Variants in AUTS2 observed in about 807,000 individuals in gnomAD.
AUTS2 encodes activator of transcription and developmental regulator AUTS2.
In AUTS2, 17 loss-of-function variants were observed where a neutral mutation model predicts 112.4. The ratio of observed to expected loss-of-function variants is 0.15; its 90% CI spans 0.10 to 0.23. The LOEUF (loss-of-function observed/expected upper bound fraction) is 0.23. Among genes scored for constraint, AUTS2 ranks in the 10% least tolerant of loss-of-function variants. The pLI is 1.00. For missense variants in AUTS2, 1,510 were observed against 1,701.6 expected, an observed-to-expected ratio of 0.89 and a Z score of 1.98; for synonymous variants, 751 against 702.7, an observed-to-expected ratio of 1.07 and a Z score of -1.09.
intron 1 of AUTS2, among the ~76,000 whole-genome samples, chr7:69,846,612 C>T (rs1052524769): frequency 7.2e-5 from 11 of 152,202 alleles, no homozygotes; most frequent in African/African-American, 2.2e-4. Context: ...CTCCCTCTGT[C>T]GCCCAGGCTG....
intron 4 of AUTS2, among the ~76,000 whole-genome samples, chr7:70,357,713 C>T (rs980071941): frequency 2.0e-5 from 3 of 152,148 alleles, no homozygotes; most frequent in Middle Eastern, 3.2e-3. Context: ...GTAAGCTTGA[C>T]GTAGGTAGCT....
intron 2 of AUTS2, among the ~76,000 whole-genome samples, chr7:69,925,759 G>T (rs1010896460): frequency 2.0e-5 from 3 of 152,132 alleles, no homozygotes; most frequent in Non-Finnish European, 4.4e-5. Flanking sequence ...CTCTCAAGCA[G>T]TTTTCCCTCC....
chr7:70,316,507 G>C (rs570574880), intron 4 of AUTS2, among the ~76,000 whole-genome samples: 1 of 149,058 alleles, frequency 6.7e-6, no homozygotes, highest in Non-Finnish European at 1.5e-5. Flanking sequence ...AGATTCAAGC[G>C]ACTCTCCTGC....
intron 4 of AUTS2, among the ~76,000 whole-genome samples, chr7:70,260,007 C>T (rs1320350657): frequency 1.3e-5 from 2 of 152,118 alleles, no homozygotes; most frequent in African/African-American, 4.8e-5. Flanking sequence ...AAAATATTTT[C>T]TAATAAAGCT....
intron 2 of AUTS2, among the ~76,000 whole-genome samples, chr7:70,107,146 C>T (rs992223090): frequency 9.2e-5 from 14 of 151,896 alleles, no homozygotes; most frequent in African/African-American, 2.7e-4. Context: ...CTTTATAATC[C>T]GATACCTCAC....
At chr7:70,508,843 G>T (rs1355565903) in intron 5 of AUTS2, among the ~76,000 whole-genome samples, 1 of 152,236 alleles carries the variant, frequency 6.6e-6, no homozygotes, top group African/African-American at 2.4e-5. Flanking sequence ...AGGATAACAT[G>T]CTAATGTTTG....
intron 1 of AUTS2, among the ~76,000 whole-genome samples, chr7:69,842,793 G>A (rs779331703): frequency 6.6e-5 from 10 of 152,128 alleles, no homozygotes; most frequent in African/African-American, 9.7e-5. Context: ...ACTTGATTCA[G>A]GTGCTTTGAC....
chr7:70,671,546 C>G (rs2129544073), intron 5 of AUTS2, among the ~76,000 whole-genome samples: 1 of 152,318 alleles, frequency 6.6e-6, no homozygotes, highest in East Asian at 1.9e-4. Context: ...TAAAACTAGC[C>G]TCTTTCCCTA....
intron 6 of AUTS2, among the ~76,000 whole-genome samples, chr7:70,750,786 C>T (rs1007332717): frequency 7.2e-5 from 11 of 152,318 alleles, no homozygotes; most frequent in African/African-American, 2.4e-4. Flanking sequence ...CCAATGTGTG[C>T]CCCAAATCAG....
At chr7:70,563,977 T>G (rs1435292701) in intron 5 of AUTS2, among the ~76,000 whole-genome samples, 3 of 152,150 alleles carry the variant, frequency 2.0e-5, no homozygotes, top group Non-Finnish European at 4.4e-5. Flanking sequence ...CTGGAAGTAT[T>G]TTGTGGTTAG....
chr7:70,663,894 T>C (rs1213874467), intron 5 of AUTS2, among the ~76,000 whole-genome samples: 4 of 152,200 alleles, frequency 2.6e-5, no homozygotes, highest in Non-Finnish European at 5.9e-5. Context: ...CATCTCAGAA[T>C]GAGTGTATTT....
chr7:70,789,617 C>T, intron 18 of AUTS2, 131 bp from the exon 19 acceptor site: 1 of 1,098,160 alleles, frequency 9.1e-7, no homozygotes, highest in Non-Finnish European at 1.3e-6. Flanking sequence ...GGCACGGCTG[C>T]TGCCTTGGCG....
intron 4 of AUTS2, among the ~76,000 whole-genome samples, chr7:70,354,709 A>G (rs991041456): frequency 6.6e-6 from 1 of 152,200 alleles, no homozygotes; most frequent in South Asian, 2.1e-4. Context: ...TCCAAATGAG[A>G]TGGGCCATAA....
At chr7:69,747,315 T>C (rs1562855322) in intron 1 of AUTS2, among the ~76,000 whole-genome samples, 1 of 152,242 alleles carries the variant, frequency 6.6e-6, no homozygotes, top group Non-Finnish European at 1.5e-5. Context: ...AAATAGGATG[T>C]AGCTTGAACT....
intron 1 of AUTS2, among the ~76,000 whole-genome samples, chr7:69,606,162 G>C (rs368367676): frequency 6.6e-6 from 1 of 152,282 alleles, no homozygotes; most frequent in East Asian, 1.9e-4. Flanking sequence ...GTTGAAAAAG[G>C]GTTAAGAAAA....
intron 2 of AUTS2, among the ~76,000 whole-genome samples, chr7:69,942,844 A>G (rs1473116511): frequency 2.6e-5 from 4 of 152,276 alleles, no homozygotes; most frequent in Non-Finnish European, 5.9e-5. Flanking sequence ...ATCAGTTTGC[A>G]TGTGTCAACA....
chr7:70,693,945 G>A (rs1183399224), intron 5 of AUTS2: 1 of 152,022 alleles, frequency 6.6e-6, no homozygotes, highest in Non-Finnish European at 1.5e-5. Flanking sequence ...ACCCGGCGCC[G>A]GGGACGAGAG....
intron 1 of AUTS2, among the ~76,000 whole-genome samples, chr7:69,634,382 A>G (rs1393490220): frequency 3.3e-5 from 5 of 152,060 alleles, no homozygotes; most frequent in Admixed American, 3.3e-4. Context: ...GGCCTCCCAA[A>G]GTGCTGGGAT....
intron 1 of AUTS2, among the ~76,000 whole-genome samples, chr7:69,745,080 T>C (rs902373129): frequency 3.9e-5 from 6 of 152,186 alleles, no homozygotes; most frequent in African/African-American, 1.4e-4. Flanking sequence ...ATTAGTTGTT[T>C]CAGAACAGGT....
Sources: gnomAD v4.1 joint callset for allele counts (sites outside exome capture counted in the v4.1 genomes callset) on GRCh38, gnomAD v4.1.1 for gene constraint, MANE v1.5 for transcripts, NCBI Gene and HGNC (gene_info 2026-07-23, HGNC 2026-07-21) for gene names.